Variants in HEATR1 observed in about 807,000 individuals in gnomAD.
HEATR1 encodes the protein HEAT repeat-containing protein 1.
A neutral mutation model predicts 248.2 loss-of-function variants in HEATR1; 77 were observed. That is an observed-to-expected ratio of 0.31 (90% CI 0.26 to 0.37). The LOEUF is 0.37. HEATR1 is among the 10% of genes least tolerant of loss of function. The probability of loss-of-function intolerance (pLI) is 1.00; values close to 1 mark genes in which losing one functional copy is unlikely to be tolerated. For synonymous variants in HEATR1, 897 were observed against 923.1 expected (o/e 0.97, Z 0.51); for missense variants, 2,420 against 2,504.9 (o/e 0.97, Z 0.72).
At chr1:236,590,154 T>C (rs1663993405) in intron 12 of HEATR1, among the ~76,000 whole-genome samples, 1 of 152,214 alleles carries the variant, frequency 6.6e-6, no homozygotes, top group Non-Finnish European at 1.5e-5. Flanking sequence ...ACCAAAATCA[T>C]GGAACAGTGT....
intron 24 of HEATR1, 132 bp from the exon 25 acceptor site, chr1:236,572,960 C>A (rs967251979): frequency 1.8e-5 from 14 of 792,202 alleles, no homozygotes; most frequent in South Asian, 9.9e-5. Flanking sequence ...CATCTGAACC[C>A]CCCCCAGCAT....
At chr1:236,603,016 AT>A (rs1664366758) in intron 3 of HEATR1, 143 bp downstream of exon 3, 1 of 619,368 alleles carries the variant, frequency 1.6e-6, no homozygotes, top group East Asian at 2.7e-5. Flanking sequence ...GCAGAAGAGC[AT>A]GCTTATCTCA....
chr1:236,590,614 A>G (rs1664006364), intron 12 of HEATR1, among the ~76,000 whole-genome samples: 1 of 152,206 alleles, frequency 6.6e-6, no homozygotes, highest in African/African-American at 2.4e-5. Flanking sequence ...GAAAAACACT[A>G]AAGATAAACA....
Position 236,552,062 on chromosome 1 carries a change from G to C in HEATR1, c.6283C>G (p.Leu2095Val), listed in dbSNP as rs773972406. Residue 2095 changes from leucine (L) to valine (V), a missense_variant, in exon 44 of 45, where the codon CTA (leucine) becomes GTA (valine). Leu to Val is a conservative substitution (Grantham distance 32). Coordinates refer to ENST00000366582, the MANE Select transcript of HEATR1 (RefSeq NM_018072.6). ...AGCAAGACAATATAATTCTCCTTTA[G>C]TTTTTCAGCCAGTGCTAACACAGTA... The part of the protein sequence containing the change: ...LITVLALAEK[L>V]KENYIVLLPE... 1 of 1,613,632 alleles carries C rather than the reference G, an allele frequency of 6.2e-7. No individual in the cohort carries two copies. Among genetic ancestry groups the C allele is most frequent in the South Asian group, 1.1e-5 (1 of 91,064 alleles).
Position 236,550,856 on chromosome 1 carries a change from ATATGAGT to A in HEATR1, c.*39_*45del. 7.0e-7 allele frequency: 1 copy of A among 1,424,524 alleles called. No individual in the cohort carries two copies. The highest frequency in any genetic ancestry group is 9.6e-7 in the Non-Finnish European group (1 of 1,039,588). The allele number at this position is 1,424,524 out of a possible 1,614,324, so 88.2% of individuals were successfully genotyped here. ...CAACACCCAAAAATAAAAATATGAA[ATATGAGT>A]GTGAACTCTGAGTAGAGTATGAAAC... On this transcript the variant is annotated 3_prime_UTR_variant, in exon 45 of 45. Transcript: ENST00000366582.
chr1:236,567,361 G>T (rs1436463979), intron 29 of HEATR1, among the ~76,000 whole-genome samples: 1 of 152,152 alleles, frequency 6.6e-6, no homozygotes, highest in Non-Finnish European at 1.5e-5. Context: ...GCCCCAAGGG[G>T]AATACAAAGT....
At chr1:236,589,591 G>A (rs149249503) in intron 12 of HEATR1, among the ~76,000 whole-genome samples, 16 of 152,222 alleles carry the variant, frequency 1.1e-4, no homozygotes, top group African/African-American at 3.9e-4. Context: ...GTTGTAATTA[G>A]CTGAAATTAA....
At chr1:236,575,343 C>G (rs1221412936) in intron 22 of HEATR1, among the ~76,000 whole-genome samples, 2 of 152,078 alleles carry the variant, frequency 1.3e-5, no homozygotes, top group Non-Finnish European at 2.9e-5. Flanking sequence ...GCTTGCAGGT[C>G]AAATTCAACA....
At chr1:236,551,718 T>C (rs1012751735) in intron 44 of HEATR1, 1 of 323,774 alleles carries the variant, frequency 3.1e-6, no homozygotes, top group Non-Finnish European at 5.7e-6. Flanking sequence ...AATCTGCTTG[T>C]ATGATCACAA....
chr1:236,590,221 C>G (rs1471176797), intron 12 of HEATR1, among the ~76,000 whole-genome samples: 1 of 151,322 alleles, frequency 6.6e-6, no homozygotes, highest in Admixed American at 6.6e-5. Context: ...TTAAGACTAT[C>G]AAAATCAAAT....
rs1296523382 is a variant in HEATR1 at position 236,599,702 on chromosome 1, T to C, written c.360-78A>G. 7.0e-6 allele frequency: 9 copies of C among 1,292,004 alleles called. No individual in the cohort carries two copies. In the South Asian group the frequency reaches 1.1e-4, roughly 15 times the overall value. The allele number at this position is 1,292,004 out of a possible 1,614,324, so 80.0% of individuals were successfully genotyped here. A position where few individuals can be genotyped will look rare whatever the true frequency, so the allele number is the denominator to read the frequency against. ...CCTATTTCCTCACATGCCCAAACTG[T>C]ATTATTAATAAGCTAAAACAACCTA... On this transcript the variant is annotated intron_variant, in intron 3 of 44. Transcript: ENST00000366582.
intron 32 of HEATR1, among the ~76,000 whole-genome samples, chr1:236,562,716 C>T (rs1663163948): frequency 6.6e-6 from 1 of 151,698 alleles, no homozygotes; most frequent in African/African-American, 2.4e-5. Flanking sequence ...GGCAGATCTG[C>T]CACCTTTAAA....
At chr1:236,554,399 C>T (rs988430769) in intron 42 of HEATR1, among the ~76,000 whole-genome samples, 199 bp downstream of exon 42, 1 of 152,042 alleles carries the variant, frequency 6.6e-6, no homozygotes, top group African/African-American at 2.4e-5. Flanking sequence ...CTCAAAACAA[C>T]AAAACAAAAC....
At chr1:236,558,152 G>GAAAA in intron 36 of HEATR1, 85 bp downstream of exon 36, 1 of 1,126,712 alleles carries the variant, frequency 8.9e-7, no homozygotes, top group Non-Finnish European at 1.2e-6. Context: ...CTACTCAGAG[G>GAAAA]AAAAAAAAAA....
chr1:236,585,422 T>A (rs1663859653), intron 16 of HEATR1, among the ~76,000 whole-genome samples: 1 of 152,210 alleles, frequency 6.6e-6, no homozygotes, highest in Admixed American at 6.5e-5. Flanking sequence ...ACTTGCCAAC[T>A]GGTTAATGTA....
chr1:236,581,932 T>C (rs1215076190), intron 19 of HEATR1, among the ~76,000 whole-genome samples: 1 of 152,162 alleles, frequency 6.6e-6, no homozygotes, highest in African/African-American at 2.4e-5. Context: ...GTAATGGGCC[T>C]AACATATTAG....
At chr1:236,565,840 A>G (rs1572036653) in intron 31 of HEATR1, 79 bp downstream of exon 31, 1 of 1,338,282 alleles carries the variant, frequency 7.5e-7, no homozygotes, top group South Asian at 1.4e-5. Context: ...CTGAAGATGT[A>G]CTAAGGATAA....
Position 236,559,120 on chromosome 1 carries a change from G to A in HEATR1, c.4786C>T (p.Pro1596Ser). The change falls in exon 35 of 45, where the codon CCC (proline) becomes TCC (serine). Residue 1596 changes from proline (P) to serine (S), a missense_variant. By Grantham distance (74) the Pro-to-Ser change is moderately conservative (BLOSUM62 -1). Transcript: ENST00000366582. The part of the protein sequence containing the change: ...DLLDKVNALL[P>S]TETFIPVIRG... ...ATCACAGGAATGAATGTCTCTGTGG[G>A]CAGCAAGGCATTGACCTAAAGAGAA... is the stretch of plus-strand genomic sequence containing the variant. 6.3e-7 allele frequency: 1 copy of A among 1,585,828 alleles called. No individual in the cohort carries two copies. Among genetic ancestry groups the A allele is most frequent in the South Asian group, 1.2e-5 (1 of 85,802 alleles).
At chr1:236,582,274 T>G (rs761359406) in intron 19 of HEATR1, among the ~76,000 whole-genome samples, 1 of 151,842 alleles carries the variant, frequency 6.6e-6, no homozygotes, top group Non-Finnish European at 1.5e-5. Flanking sequence ...CCGGCTAATT[T>G]TTTTTGTATT....
Sources: allele counts gnomAD v4.1 joint callset (sites outside exome capture counted in the v4.1 genomes callset), GRCh38; gene constraint gnomAD v4.1.1; transcripts MANE v1.5; gene names NCBI Gene and HGNC (gene_info 2026-07-23, HGNC 2026-07-21).